Variants in SYNRG observed in about 807,000 individuals in gnomAD.
SYNRG encodes synergin gamma.
A neutral mutation model predicts 130.9 loss-of-function variants in SYNRG; 37 were observed. The observed-to-expected ratio is 0.28, with a 90% CI of 0.22 to 0.37. The LOEUF (loss-of-function observed/expected upper bound fraction) is 0.37. SYNRG is among the 10% of genes least tolerant of loss of function. SYNRG has a pLI of 1.00. For synonymous variants in SYNRG, 539 were observed against 568.1 expected, an observed-to-expected ratio of 0.95 and a Z score of 0.73; for missense variants, 1,338 against 1,588.9, an observed-to-expected ratio of 0.84 and a Z score of 2.68.
intron 13 of SYNRG, among the ~76,000 whole-genome samples, chr17:37,555,652 GC>G (rs1332116164): frequency 6.6e-6 from 1 of 152,180 alleles, no homozygotes; most frequent in Non-Finnish European, 1.5e-5. Flanking sequence ...TGTAATCCCA[GC>G]ACTTTGGAAG....
At chr17:37,580,643 T>C (rs1444280815) in intron 6 of SYNRG, among the ~76,000 whole-genome samples, 1 of 152,178 alleles carries the variant, frequency 6.6e-6, no homozygotes, top group East Asian at 1.9e-4. Flanking sequence ...CAAGTGATTC[T>C]TCTGCCTCAA....
At chr17:37,519,158 T>G in intron 21 of SYNRG, 87 bp from the exon 22 acceptor site, 7 of 1,544,094 alleles carry the variant, frequency 4.5e-6, no homozygotes, top group African/African-American at 1.4e-5. Flanking sequence ...CATCTATCTC[T>G]CCAGGTCACA....
chr17:37,590,556 A>G (rs138560755), intron 3 of SYNRG, among the ~76,000 whole-genome samples: 174 of 152,366 alleles, frequency 1.1e-3, no homozygotes, highest in Middle Eastern at 0.01. Flanking sequence ...TGAAGGGTAC[A>G]TACGTAAAAT....
chr17:37,577,241 G>A (rs532015874), intron 7 of SYNRG, 139 bp downstream of exon 7: 2 of 704,882 alleles, frequency 2.8e-6, no homozygotes, highest in Non-Finnish European at 2.4e-6. Context: ...TTGGAGAAAG[G>A]AATGCATTAA....
At chr17:37,548,384 G>C (rs1198063039) in intron 14 of SYNRG, among the ~76,000 whole-genome samples, 9 of 152,192 alleles carry the variant, frequency 5.9e-5, no homozygotes, top group Non-Finnish European at 1.5e-5. Flanking sequence ...AAAGCAGTAT[G>C]CTCTGGAAAG....
chr17:37,519,158 T>C, intron 21 of SYNRG, 87 bp from the exon 22 acceptor site: 2 of 1,544,134 alleles, frequency 1.3e-6, no homozygotes, highest in Admixed American at 1.9e-5. Context: ...CATCTATCTC[T>C]CCAGGTCACA....
intron 11 of SYNRG, chr17:37,567,345 G>A (rs1568416873): frequency 1.3e-5 from 2 of 152,218 alleles, no homozygotes; most frequent in Admixed American, 6.5e-5. Flanking sequence ...CATTCACCAA[G>A]GAAGGGAATA....
At chr17:37,547,820 T>C (rs545310493) in intron 14 of SYNRG, among the ~76,000 whole-genome samples, 40 of 152,320 alleles carry the variant, frequency 2.6e-4, no homozygotes, top group East Asian at 2.5e-3. Context: ...AGAGTGACTA[T>C]AGAACAACAG....
At chr17:37,603,857 G>A (rs2063506688) in intron 1 of SYNRG, among the ~76,000 whole-genome samples, 2 of 152,154 alleles carry the variant, frequency 1.3e-5, no homozygotes, top group African/African-American at 4.8e-5. Context: ...TGCTGCATTA[G>A]GCCCTAACAA....
chr17:37,607,977 AAAACAAG>A (rs2063949317), intron 1 of SYNRG, among the ~76,000 whole-genome samples: 1 of 121,608 alleles, frequency 8.2e-6, no homozygotes, highest in East Asian at 2.3e-4. Context: ...AAAAAAAAAA[AAAACAAG>A]ACAAAAGAAA....
intron 15 of SYNRG, chr17:37,540,869 A>G: frequency 2.0e-6 from 2 of 999,176 alleles, no homozygotes; most frequent in Non-Finnish European, 1.2e-6. Context: ...TCCTGATCTC[A>G]AGTTATCTGC....
At chr17:37,605,192 C>T (rs942801373) in intron 1 of SYNRG, among the ~76,000 whole-genome samples, 3 of 152,176 alleles carry the variant, frequency 2.0e-5, no homozygotes, top group Non-Finnish European at 2.9e-5. Flanking sequence ...TGAGGTATGC[C>T]TGTATTCAGT....
intron 8 of SYNRG, among the ~76,000 whole-genome samples, chr17:37,572,263 C>A (rs959148939): frequency 2.0e-5 from 3 of 151,934 alleles, no homozygotes; most frequent in African/African-American, 7.3e-5. Context: ...CCCATCTCTA[C>A]TAAAAATACA....
At chr17:37,564,018 A>T (rs2059737068) in intron 11 of SYNRG, among the ~76,000 whole-genome samples, 1 of 144,556 alleles carries the variant, frequency 6.9e-6, no homozygotes. Flanking sequence ...TAATTTTTGT[A>T]TTTTTTTTTT....
At chr17:37,523,752 G>C (rs116966690) in intron 19 of SYNRG, among the ~76,000 whole-genome samples, 14 of 152,150 alleles carry the variant, frequency 9.2e-5, no homozygotes, top group Non-Finnish European at 1.3e-4. Context: ...GGGTCAAGGT[G>C]GGGGGAGAAG....
intron 3 of SYNRG, among the ~76,000 whole-genome samples, chr17:37,592,022 A>G (rs2062236512): frequency 6.6e-6 from 1 of 152,200 alleles, no homozygotes; most frequent in Non-Finnish European, 1.5e-5. Flanking sequence ...CAAGCTAAAG[A>G]CAAGAAGAAA....
chr17:37,524,219 C>T (rs1316691107), intron 19 of SYNRG, among the ~76,000 whole-genome samples: 1 of 152,166 alleles, frequency 6.6e-6, no homozygotes, highest in African/African-American at 2.4e-5. Context: ...CTACATTTCC[C>T]ATAGTTCTTC....
At chr17:37,554,620 G>T (rs577769114) in intron 13 of SYNRG, among the ~76,000 whole-genome samples, 5 of 152,160 alleles carry the variant, frequency 3.3e-5, no homozygotes, top group African/African-American at 1.2e-4. Context: ...GTAAATGAAG[G>T]CATTAATTTG....
At chr17:37,561,349 TTAACA>T (rs2059519149) in intron 12 of SYNRG, 92 bp from the exon 13 acceptor site, 1 of 1,463,962 alleles carries the variant, frequency 6.8e-7, no homozygotes, top group African/African-American at 1.4e-5. Context: ...CCAAACACTA[TTAACA>T]TGTGGTATAC....
Sources: gnomAD v4.1 joint callset for allele counts (sites outside exome capture counted in the v4.1 genomes callset) on GRCh38, gnomAD v4.1.1 for gene constraint, MANE v1.5 for transcripts, NCBI Gene and HGNC (gene_info 2026-07-23, HGNC 2026-07-21) for gene names.